Variants in HNRNPUL2 observed in about 807,000 individuals in gnomAD.
The protein encoded by HNRNPUL2 is heterogeneous nuclear ribonucleoprotein U like 2, also known as heterogeneous nuclear ribonucleoprotein U-like protein 2.
In HNRNPUL2, 27 loss-of-function variants were observed where a neutral mutation model predicts 102.2. The ratio of observed to expected loss-of-function variants is 0.26; its 90% CI spans 0.19 to 0.36. HNRNPUL2 has a LOEUF of 0.36. HNRNPUL2 is among the 10% of genes least tolerant of loss of function. The pLI is 1.00. For missense variants in HNRNPUL2, 936 were observed against 981.1 expected, an observed-to-expected ratio of 0.95 and a Z score of 0.61; for synonymous variants, 458 against 387.2, an observed-to-expected ratio of 1.18 and a Z score of -2.15.
intron 11 of HNRNPUL2, 62 bp from the exon 12 acceptor site, chr11:62,715,999 G>C: frequency 1.5e-6 from 2 of 1,364,756 alleles, no homozygotes; most frequent in Non-Finnish European, 2.0e-6. Context: ...CCACATCTGG[G>C]TGGAAATCAA....
At chr11:62,720,272 A>G in intron 9 of HNRNPUL2, 81 bp from the exon 10 acceptor site, 1 of 1,337,514 alleles carries the variant, frequency 7.5e-7, no homozygotes, top group Non-Finnish European at 1.1e-6. Flanking sequence ...TCAGCTGGGC[A>G]CGGTGGCTCA....
rs188211700 is a variant in HNRNPUL2 at position 62,726,532 on chromosome 11, G to A, written c.538+87C>T. On this transcript the variant is annotated intron_variant, in intron 1 of 13. Transcript: ENST00000301785. ...GGCACTTTGAGGCAAGCGAGAACAA[G>A]GACTCGGACCCTGCGGTGCAGGGCG... The A allele has an allele frequency of 2.4e-5, 32 of 1,317,718 alleles. No individual in the cohort carries two copies. In the East Asian group the frequency reaches 2.4e-4, roughly 10 times the overall value. The allele number at this position is 1,317,718 out of a possible 1,614,324, so 81.6% of individuals were successfully genotyped here.
rs2083762230 is a variant in HNRNPUL2 at position 62,727,202 on chromosome 11, A to T, written c.-46T>A. The T allele has an allele frequency of 1.5e-6, 2 of 1,309,728 alleles. No homozygotes were observed. Among genetic ancestry groups the T allele is most frequent in the Admixed American group, 7.5e-5 (2 of 26,706 alleles). 81.1% of individuals were successfully genotyped at this position (1,309,728 alleles called of 1,614,324 possible). A position where few individuals can be genotyped will look rare whatever the true frequency, so the allele number is the denominator to read the frequency against. The stretch of plus-strand genomic sequence containing the variant: ...CCTCCCGCCGCCTCCTCCCCTGCGA[A>T]CCGTCGACCGAGTCCGACCGCGCAG... On this transcript the variant is annotated 5_prime_UTR_variant, in exon 1 of 14. Coordinates refer to ENST00000301785, the MANE Select transcript of HNRNPUL2 (RefSeq NM_001079559.3).
intron 1 of HNRNPUL2, among the ~76,000 whole-genome samples, chr11:62,725,151 A>G (rs896089985): frequency 6.6e-6 from 1 of 152,204 alleles, no homozygotes; most frequent in African/African-American, 2.4e-5. Context: ...ATTTTGCAAC[A>G]CTAGGAAGGT....
intron 6 of HNRNPUL2, 74 bp from the exon 7 acceptor site, chr11:62,722,454 T>C (rs2083710871): frequency 6.5e-7 from 1 of 1,538,622 alleles, no homozygotes; most frequent in African/African-American, 1.4e-5. Flanking sequence ...AATTTATTCT[T>C]TTTTCACACA....
chr11:62,716,135 A>G (rs1487586436), intron 11 of HNRNPUL2, among the ~76,000 whole-genome samples, 198 bp from the exon 12 acceptor site: 2 of 152,216 alleles, frequency 1.3e-5, no homozygotes, highest in Non-Finnish European at 2.9e-5. Context: ...AGGAACAGAG[A>G]CACAAGAAAA....
At position 62,719,930 on chromosome 11, in the gene HNRNPUL2, C is replaced by T; in HGVS notation, c.1780+93G>A. 4 of 1,218,868 alleles carry T rather than the reference C, an allele frequency of 3.3e-6. No individual in the cohort carries two copies. The South Asian group carries it at 5.4e-5, about 17-fold the overall frequency. The allele number at this position is 1,218,868 out of a possible 1,614,324, so 75.5% of individuals were successfully genotyped here. On this transcript the variant is annotated intron_variant, in intron 10 of 13. Coordinates refer to ENST00000301785, the MANE Select transcript of HNRNPUL2 (RefSeq NM_001079559.3). ...ATGCTATGCTCTTGGACTTCCTAGC[C>T]TCCAGAATGAGGGAAATAAACCTCT...
intron 2 of HNRNPUL2, 28 bp from the exon 3 acceptor site, chr11:62,724,018 C>CA (rs756412567): frequency 1.3e-6 from 2 of 1,565,562 alleles, no homozygotes; most frequent in African/African-American, 2.7e-5. Flanking sequence ...AAAAGAAACA[C>CA]AATGTAAACA....
chr11:62,722,112 C>T lies in HNRNPUL2; in HGVS notation c.1359+5G>A, dbSNP rs753815482. The T allele has an allele frequency of 6.2e-7, 1 of 1,612,612 alleles. No homozygotes were observed. The highest frequency in any genetic ancestry group is 2.2e-5 in the East Asian group (1 of 44,866). On this transcript the variant is annotated splice_donor_5th_base_variant and intron_variant, in intron 7 of 13. Coordinates refer to ENST00000301785, the MANE Select transcript of HNRNPUL2 (RefSeq NM_001079559.3). ...ACCTCAGTGTTCGTATACTGTTTGG[C>T]ATACCTCACATTCCTCTATGGTCTT... is the stretch of plus-strand genomic sequence containing the variant.
In HNRNPUL2 at chr11:62,712,665, G is replaced by A. The variant is rs2083628838; in HGVS notation, c.*2634C>T. On this transcript the variant is annotated 3_prime_UTR_variant, in exon 14 of 14. Coordinates refer to ENST00000301785, the MANE Select transcript of HNRNPUL2 (RefSeq NM_001079559.3). ...CCAAATGGTTATTTATTCTAAAACTGGAAGCTACTTTGCCTACATTTTCGC... is the reference window on the plus strand; with the variant it reads ...CCAAATGGTTATTTATTCTAAAACTAGAAGCTACTTTGCCTACATTTTCGC... 1 of 152,158 alleles carries A rather than the reference G, an allele frequency of 6.6e-6. No homozygotes were observed. 9.4% of individuals were successfully genotyped at this position (152,158 alleles called of 1,614,324 possible).
In HNRNPUL2 at chr11:62,726,737, C is replaced by T; in HGVS notation, c.420G>A (p.Gly140=). The T allele has an allele frequency of 6.2e-7, 1 of 1,601,134 alleles. No homozygotes were observed. Among genetic ancestry groups the T allele is most frequent in the Non-Finnish European group, 8.5e-7 (1 of 1,179,688 alleles). Residue 140 remains glycine, a synonymous_variant, in exon 1 of 14, where the codon GGG becomes GGA. Transcript: ENST00000301785. ...GGCCCTGCTCTTCGCCACCATTTAC[C>T]CCGCCTGACCCGGCCGTGGCCTCCG... ...KPAEATAGSG[G]VNGGEEQGLG... is the part of the protein sequence containing the mutation.
rs1404325478 is a variant in HNRNPUL2, at chr11:62,721,396, C to T, written c.1510G>A (p.Asp504Asn). The change falls in exon 9 of 14, where the codon GAC becomes AAC. Residue 504 changes from aspartate (D) to asparagine (N), a missense_variant. Coordinates refer to ENST00000301785, the MANE Select transcript of HNRNPUL2 (RefSeq NM_001079559.3). ...ACTAAAAGGTCTCGGCTTTTGGGGT[C>T]CATCTCTGGCTCCTCGAGACCCTTC... ...RMKGLEEPEM[D>N]PKSRDLLVQQ... 1 of 1,603,716 alleles carries T rather than the reference C, an allele frequency of 6.2e-7. No homozygotes were observed. Among genetic ancestry groups the T allele is most frequent in the Non-Finnish European group, 8.5e-7 (1 of 1,176,652 alleles).
chr11:62,722,517 C>G (rs2083711327), intron 6 of HNRNPUL2, 84 bp downstream of exon 6: 7 of 1,422,248 alleles, frequency 4.9e-6, no homozygotes, highest in Non-Finnish European at 6.9e-6. Flanking sequence ...GCATAAAAGC[C>G]AGCAGTTGAT....
intron 9 of HNRNPUL2, 95 bp from the exon 10 acceptor site, chr11:62,720,286 C>T: frequency 8.2e-7 from 1 of 1,218,406 alleles, no homozygotes; most frequent in Non-Finnish European, 1.2e-6. Flanking sequence ...TGGCTCACGC[C>T]TGTAATCCTA....
Position 62,726,947 on chromosome 11 carries a change from G to T in HNRNPUL2, c.210C>A (p.Gly70=). ...EPRPVAASGG[G]PGGDEEEDEE... is the part of the protein sequence containing the mutation. ...CGTCCTCCTCCTCGTCCCCGCCCGG[G>T]CCGCCGCCCGACGCGGCCACAGGCC... is the stretch of plus-strand genomic sequence containing the variant. Residue 70 remains glycine (G), a synonymous_variant, in exon 1 of 14, where the codon GGC becomes GGA. Coordinates refer to ENST00000301785, the MANE Select transcript of HNRNPUL2 (RefSeq NM_001079559.3). The T allele has an allele frequency of 6.8e-7, 1 of 1,468,414 alleles. No homozygotes were observed. The highest frequency in any genetic ancestry group is 8.9e-7 in the Non-Finnish European group (1 of 1,118,050). 91.0% of individuals were successfully genotyped at this position (1,468,414 alleles called of 1,614,324 possible).
chr11:62,723,633 C>T lies in HNRNPUL2; in HGVS notation c.845G>A (p.Arg282Lys). ...TCCCTTTGTCACTCCGTAAGTACTCCTTGCCCCAGACCAAAGGGTGGGGAA... is the reference window on the plus strand; with the variant it reads ...TCCCTTTGTCACTCCGTAAGTACTCTTTGCCCCAGACCAAAGGGTGGGGAA... ...EKFPTLWSGA[R>K]STYGVTKGKV... Residue 282 changes from arginine to lysine, a missense_variant, in exon 4 of 14, where the codon AGG becomes AAG. Arg to Lys is a conservative substitution (Grantham distance 26). Coordinates refer to ENST00000301785, the MANE Select transcript of HNRNPUL2 (RefSeq NM_001079559.3). 1 of 1,614,064 alleles carries T rather than the reference C, an allele frequency of 6.2e-7. No homozygotes were observed. Among genetic ancestry groups the T allele is most frequent in the Non-Finnish European group, 8.5e-7 (1 of 1,179,948 alleles).
chr11:62,719,051 C>T (rs1173547314), intron 10 of HNRNPUL2, among the ~76,000 whole-genome samples: 2 of 152,102 alleles, frequency 1.3e-5, no homozygotes, highest in African/African-American at 2.4e-5. Flanking sequence ...TGGTTGTGAG[C>T]TCCTGACCTT....
intron 1 of HNRNPUL2, 126 bp downstream of exon 1, chr11:62,726,493 G>C (rs1740597999): frequency 1.1e-6 from 1 of 941,318 alleles, no homozygotes. Context: ...AGAATGAAAG[G>C]AGTTCCATCA....
At chr11:62,718,284 T>C (rs1182582757) in intron 10 of HNRNPUL2, among the ~76,000 whole-genome samples, 2 of 152,188 alleles carry the variant, frequency 1.3e-5, no homozygotes, top group Non-Finnish European at 2.9e-5. Flanking sequence ...CTGTCTTATG[T>C]ATTGCATTAC....
Sources: gnomAD v4.1 joint callset for allele counts (sites outside exome capture counted in the v4.1 genomes callset) on GRCh38, gnomAD v4.1.1 for gene constraint, MANE v1.5 for transcripts, NCBI Gene and HGNC (gene_info 2026-07-23, HGNC 2026-07-21) for gene names.